SLC36A1: variants seen among roughly 807,000 people sequenced by gnomAD.
SLC36A1 encodes solute carrier family 36 member 1.
Under a neutral mutation model 47.5 loss-of-function variants are expected in SLC36A1, and 30 were observed. The ratio of observed to expected loss-of-function variants is 0.63; its 90% CI spans 0.47 to 0.86. The LOEUF (loss-of-function observed/expected upper bound fraction) is 0.86, where lower values mean the gene tolerates loss of function less well. Among genes scored for constraint, SLC36A1 ranks in the 40% least tolerant of loss-of-function variants. The pLI is 0.00. For synonymous variants in SLC36A1, 255 were observed against 249.7 expected (o/e 1.02, Z -0.20); for missense variants, 517 against 606.0 (o/e 0.85, Z 1.54).
chr5:151,415,657 T>C, the SLC36A1 span, among the ~76,000 whole-genome samples: 1 of 152,182 alleles, frequency 6.6e-6, no homozygotes, highest in Non-Finnish European at 1.5e-5. Flanking sequence ...GAGGTAGAGA[T>C]TGTGTCTATT....
chr5:151,512,839 C>G, the SLC36A1 span: 1 of 555,738 alleles, frequency 1.8e-6, no homozygotes, highest in Non-Finnish European at 3.2e-6. This position sits in a 1 kb window ranked among gnomAD's most constrained non-coding sequence, Gnocchi z 4.1. Flanking sequence ...GGTGACATCT[C>G]CATTCACAGA....
the SLC36A1 span, chr5:151,550,500 G>T: frequency 2.1e-6 from 3 of 1,425,844 alleles, no homozygotes; most frequent in Non-Finnish European, 2.9e-6. Context: ...CTTATGAGGG[G>T]AAGGGGGACC....
At chr5:151,524,613 G>C in the SLC36A1 span, among the ~76,000 whole-genome samples, 3 of 152,218 alleles carry the variant, frequency 2.0e-5, no homozygotes, top group African/African-American at 7.2e-5. Flanking sequence ...AATGGACTAA[G>C]TCAGTGCTTC....
the SLC36A1 span, chr5:151,512,621 C>A: frequency 6.3e-7 from 1 of 1,579,462 alleles, no homozygotes; most frequent in South Asian, 1.2e-5. The surrounding 1 kb of genome is among the most constrained non-coding windows in gnomAD (Gnocchi z 4.1). Flanking sequence ...AAAGGAAATC[C>A]AAACAGCCAT....
intron 3 of SLC36A1, among the ~76,000 whole-genome samples, chr5:151,463,906 A>T (rs1755956593): frequency 6.6e-6 from 1 of 152,212 alleles, no homozygotes; most frequent in Non-Finnish European, 1.5e-5. Context: ...CATGGTGGAG[A>T]GGATGTACTG....
At chr5:151,428,743 C>T in the SLC36A1 span, among the ~76,000 whole-genome samples, 4 of 152,296 alleles carry the variant, frequency 2.6e-5, no homozygotes, top group South Asian at 6.2e-4. Context: ...AGCAATTCTC[C>T]TGCCTCAACC....
chr5:151,347,371 C>T, the SLC36A1 span: 5 of 1,614,214 alleles, frequency 3.1e-6, no homozygotes, highest in African/African-American at 1.3e-5. Flanking sequence ...CCTTGTTCTC[C>T]AACTTCTTGG....
chr5:151,364,096 A>G, the SLC36A1 span, among the ~76,000 whole-genome samples: 1 of 152,216 alleles, frequency 6.6e-6, no homozygotes, highest in South Asian at 2.1e-4. Flanking sequence ...GTCTGTAAGT[A>G]CTTGTGTGTG....
the SLC36A1 span, among the ~76,000 whole-genome samples, chr5:151,359,227 T>C: frequency 3.1e-4 from 47 of 152,316 alleles, no homozygotes; most frequent in Non-Finnish European, 1.5e-5. Context: ...ATCCATGCCT[T>C]CCAGAGTCAG....
the SLC36A1 span, among the ~76,000 whole-genome samples, chr5:151,350,133 A>ACCT: frequency 6.6e-6 from 1 of 150,874 alleles, no homozygotes. Flanking sequence ...CACCACCACC[A>ACCT]CCACCCTCCC....
the SLC36A1 span, among the ~76,000 whole-genome samples, chr5:151,518,525 C>A: frequency 6.6e-6 from 1 of 152,054 alleles, no homozygotes; most frequent in African/African-American, 2.4e-5. Flanking sequence ...TGATTTTAGA[C>A]CCACAAGGGT....
At chr5:151,358,957 G>T in the SLC36A1 span, among the ~76,000 whole-genome samples, 1 of 139,072 alleles carries the variant, frequency 7.2e-6, no homozygotes, top group South Asian at 2.3e-4. Flanking sequence ...GTCCGGCCTG[G>T]GCGACAGAGC....
the SLC36A1 span, among the ~76,000 whole-genome samples, chr5:151,555,048 T>C: frequency 6.6e-6 from 1 of 152,124 alleles, no homozygotes; most frequent in African/African-American, 2.4e-5. Flanking sequence ...AATGAGAAAA[T>C]GTTGATGAGG....
the SLC36A1 span, among the ~76,000 whole-genome samples, chr5:151,538,866 A>G: frequency 6.9e-6 from 1 of 145,622 alleles, no homozygotes; most frequent in Non-Finnish European, 1.5e-5. Context: ...TTGTATTTTT[A>G]GTAGAGACGG....
chr5:151,469,822 GTAT>G (rs1318724764), intron 7 of SLC36A1, among the ~76,000 whole-genome samples: 3 of 151,302 alleles, frequency 2.0e-5, no homozygotes, highest in African/African-American at 7.3e-5. Flanking sequence ...AATTATATTA[GTAT>G]TATTTTGGTC....
the SLC36A1 span, among the ~76,000 whole-genome samples, chr5:151,402,048 C>T: frequency 6.6e-6 from 1 of 152,220 alleles, no homozygotes; most frequent in Middle Eastern, 3.4e-3. Context: ...GTGAGAATGG[C>T]CATACTAGTC....
the SLC36A1 span, among the ~76,000 whole-genome samples, chr5:151,347,989 T>C: frequency 3.9e-5 from 6 of 152,130 alleles, no homozygotes; most frequent in African/African-American, 1.2e-4. Context: ...TCCAAGAAAA[T>C]ACCTACAAAT....
the SLC36A1 span, chr5:151,527,925 C>T: frequency 6.4e-7 from 1 of 1,563,716 alleles, no homozygotes; most frequent in Non-Finnish European, 8.7e-7. Flanking sequence ...AGCGATTCAT[C>T]TTCTGGACCT....
intron 2 of SLC36A1, among the ~76,000 whole-genome samples, chr5:151,460,408 A>T (rs1326605932): frequency 6.6e-6 from 1 of 152,234 alleles, no homozygotes; most frequent in Non-Finnish European, 1.5e-5. Flanking sequence ...TAGGTTTTGG[A>T]CAAAATTATG....
Sources: gnomAD v4.1 joint callset for allele counts (sites outside exome capture counted in the v4.1 genomes callset) on GRCh38, gnomAD v4.1.1 for gene constraint, Gnocchi (gnomAD v3.1) non-coding constraint, MANE v1.5 for transcripts, NCBI Gene and HGNC (gene_info 2026-07-23, HGNC 2026-07-21) for gene names.